Variants in MACF1 observed in about 807,000 individuals in gnomAD.
MACF1 encodes the protein microtubule actin crosslinking factor 1.
Under a neutral mutation model 854.8 loss-of-function variants are expected in MACF1, and 193 were observed. That is an observed-to-expected ratio of 0.23 (90% CI 0.20 to 0.25). The LOEUF (loss-of-function observed/expected upper bound fraction) is 0.25, where lower values mean the gene tolerates loss of function less well. Among genes scored for constraint, MACF1 ranks in the 10% least tolerant of loss-of-function variants. MACF1 has a pLI of 1.00. For synonymous variants in MACF1, 3,185 were observed against 3,226.7 expected, an observed-to-expected ratio of 0.99 and a Z score of 0.44; for missense variants, 7,722 against 8,929.1, an observed-to-expected ratio of 0.86 and a Z score of 5.45.
chr1:39,119,090 G>A (rs924989567), intron 2 of MACF1, among the ~76,000 whole-genome samples: 3 of 152,090 alleles, frequency 2.0e-5, no homozygotes, highest in Admixed American at 6.5e-5. Context: ...AGGCCAAGGC[G>A]GGCAGATCAC....
chr1:39,246,738 G>GACCTCAGGTGATCCACCC (rs1644985898), intron 2 of MACF1, among the ~76,000 whole-genome samples: 1 of 151,962 alleles, frequency 6.6e-6, no homozygotes, highest in African/African-American at 2.4e-5. Flanking sequence ...TCGAACTCCT[G>GACCTCAGGTGATCCACCC]ACCTCAGGTG....
chr1:39,241,917 A>G (rs1049744362), intron 2 of MACF1, among the ~76,000 whole-genome samples: 2 of 152,198 alleles, frequency 1.3e-5, no homozygotes, highest in Non-Finnish European at 1.5e-5. Flanking sequence ...AACTGAGGGT[A>G]TTAGAATTAA....
chr1:39,327,073 A>C (rs1646628626), intron 35 of MACF1, 145 bp from the exon 36 acceptor site: 1 of 723,744 alleles, frequency 1.4e-6, no homozygotes, highest in Non-Finnish European at 2.2e-6. Flanking sequence ...TAAACAGAAG[A>C]ACTGACTGAA....
At chr1:39,433,955 C>G (rs770530042) in intron 68 of MACF1, among the ~76,000 whole-genome samples, 11 of 152,134 alleles carry the variant, frequency 7.2e-5, no homozygotes, top group Non-Finnish European at 1.3e-4. Context: ...CAGTGGGAAC[C>G]TGTAATCCCA....
Position 39,388,109 on chromosome 1 carries a change from TCTC to T in MACF1, c.15269_15271del (p.Leu5090del), listed in dbSNP as rs1329867075. 6.2e-7 allele frequency: 1 copy of T among 1,614,024 alleles called. No individual in the cohort carries two copies. Among genetic ancestry groups the T allele is most frequent in the Non-Finnish European group, 8.5e-7 (1 of 1,179,998 alleles). On this transcript the variant is annotated inframe_deletion, in exon 58 of 101. Coordinates refer to ENST00000564288, the MANE Select transcript of MACF1 (RefSeq NM_001394062.1). ...CAGATGGATCTGATGCTTCTCAACT[TCTC>T]CACCAAGCTGAGGTCGCCCAGCAAG... is the stretch of plus-strand genomic sequence containing the variant.
chr1:39,332,082 C>G lies in MACF1; in HGVS notation c.5494C>G (p.Leu1832Val), dbSNP rs1646737769. 6.2e-7 allele frequency: 1 copy of G among 1,614,096 alleles called. No homozygotes were observed. The highest frequency in any genetic ancestry group is 1.3e-5 in the African/African-American group (1 of 75,024). Residue 1832 changes from leucine (L) to valine (V), a missense_variant, in exon 37 of 101, where the codon CTA becomes GTA. Transcript: ENST00000564288. ...LTIDEAVSND[L>V]VAAKIALVIL... ...AATAGATGAAGCAGTGAGCAATGAT[C>G]TAGTAGCTGCTAAGATCGCCCTTGT...
At chr1:39,196,960 A>G (rs754728928) in intron 2 of MACF1, among the ~76,000 whole-genome samples, 3 of 152,180 alleles carry the variant, frequency 2.0e-5, no homozygotes, top group Non-Finnish European at 4.4e-5. Context: ...GTCTTCTACA[A>G]GGCTTCTTTC....
chr1:39,477,075 A>ATATACACACACACATATATACACTTAGTG (rs1557675014), intron 97 of MACF1, among the ~76,000 whole-genome samples: 26 of 51,304 alleles, frequency 5.1e-4, no homozygotes, highest in African/African-American at 2.6e-3. Flanking sequence ...ATATATATAT[A>ATATACACACACACATATATACACTTAGTG]TATATATATA....
At position 39,381,954 on chromosome 1, in the gene MACF1, T is replaced by G. The variant is rs1016020937; in HGVS notation, c.13650T>G (p.Asn4550Lys). 2.5e-6 allele frequency: 4 copies of G among 1,612,982 alleles called. No individual in the cohort carries two copies. The highest frequency in any genetic ancestry group is 2.7e-5 in the African/African-American group (2 of 74,910). Residue 4550 changes from asparagine to lysine, a missense_variant and splice_region_variant, in exon 56 of 101, where the codon AAT (asparagine) becomes AAG (lysine). Around this residue, in one of 15 missense-constraint regions of MACF1, gnomAD observed 2,807 missense variants for 3,235.8 expected, o/e 0.87. Coordinates refer to ENST00000564288, the MANE Select transcript of MACF1 (RefSeq NM_001394062.1). Reference sequence around the variant, plus strand: ...CATTCCCTCATTTCCTCTCTACAGATTCCCGATGGGAAAGGGCCACTGAGG... The same window carrying G: ...CATTCCCTCATTTCCTCTCTACAGAGTCCCGATGGGAAAGGGCCACTGAGG... ...ENWKKIQEELNSRWERATEVT... is the reference protein window; with the variant it reads ...ENWKKIQEELKSRWERATEVT...
intron 2 of MACF1, among the ~76,000 whole-genome samples, chr1:39,181,893 C>T (rs1255731904): frequency 6.6e-6 from 1 of 152,082 alleles, no homozygotes; most frequent in Non-Finnish European, 1.5e-5. Context: ...TGGCTCACGC[C>T]CATAATCCCA....
rs1212564275 is a variant in MACF1 at position 39,300,310 on chromosome 1, T to C, written c.2582T>C (p.Val861Ala). 6.2e-7 allele frequency: 1 copy of C among 1,614,066 alleles called. No individual in the cohort carries two copies. The highest frequency in any genetic ancestry group is 1.1e-5 in the South Asian group (1 of 91,060). The change falls in exon 22 of 101, where the codon GTG (valine) becomes GCG (alanine). Residue 861 changes from valine to alanine, a missense_variant. Coordinates refer to ENST00000564288, the MANE Select transcript of MACF1 (RefSeq NM_001394062.1). ...VQLKPRSPDH[V>A]LKNTISVKAV... Reference sequence around the variant, plus strand: ...CTAAAACCACGCAGTCCAGACCATGTGTTAAAGAACACCATTTCTGTCAAG... The same window carrying C: ...CTAAAACCACGCAGTCCAGACCATGCGTTAAAGAACACCATTTCTGTCAAG...
intron 6 of MACF1, among the ~76,000 whole-genome samples, chr1:39,270,082 G>A (rs563638458): frequency 6.6e-6 from 1 of 152,362 alleles, no homozygotes; most frequent in East Asian, 1.9e-4. Flanking sequence ...AGACGATGGG[G>A]AAGGGCCTAA....
In MACF1 at chr1:39,289,849, G is replaced by A. The variant is rs376791350; in HGVS notation, c.1786-2061G>A. 7.3e-5 allele frequency among the ~76,000 whole-genome samples: 11 copies of A among 151,448 alleles called. No homozygotes were observed. The East Asian group carries it at 9.7e-4, about 13-fold the overall frequency. ...CCCAAGTAGCTGGGACTACAGGCAC[G>A]CGCCACCATGCCCAGCTAATTTTGT... On this transcript the variant is annotated intron_variant, in intron 15 of 100. Coordinates refer to ENST00000564288, the MANE Select transcript of MACF1 (RefSeq NM_001394062.1).
At chr1:39,403,612 T>TC (rs1642568572) in intron 58 of MACF1, among the ~76,000 whole-genome samples, 1 of 152,238 alleles carries the variant, frequency 6.6e-6, no homozygotes, top group Admixed American at 6.5e-5. Flanking sequence ...TTTGTTTTTT[T>TC]CCCTCTAACC....
At chr1:39,379,160 C>T (rs372615482) in intron 53 of MACF1, 43 bp from the exon 54 acceptor site, 12 of 1,527,062 alleles carry the variant, frequency 7.9e-6, no homozygotes, top group Admixed American at 6.4e-5. Flanking sequence ...GGAGCATACT[C>T]GAAGAGCTGT....
At position 39,460,476 on chromosome 1, in the gene MACF1, G is replaced by C. The variant is rs1489087275; in HGVS notation, c.21361-156G>C. Among the ~76,000 whole-genome samples the C allele has an allele frequency of 6.6e-6, 1 of 152,200 alleles. No homozygotes were observed. Among genetic ancestry groups the C allele is most frequent in the Non-Finnish European group, 1.5e-5 (1 of 68,038 alleles). ...GTCATGGCTTTAAGTGAAAGAGCCA[G>C]ATTGTGCCTTCACAAAAGAAGCAAA... is the stretch of plus-strand genomic sequence containing the variant. On this transcript the variant is annotated intron_variant, in intron 91 of 100. Coordinates refer to ENST00000564288, the MANE Select transcript of MACF1 (RefSeq NM_001394062.1). This position sits in a 1 kb window ranked among gnomAD's most constrained non-coding sequence, Gnocchi z 4.1.
At chr1:39,401,422 C>T (rs562179876) in intron 58 of MACF1, among the ~76,000 whole-genome samples, 2 of 152,306 alleles carry the variant, frequency 1.3e-5, no homozygotes, top group African/African-American at 4.8e-5. Flanking sequence ...GGAAAGACAT[C>T]TCTTAATATT....
intron 2 of MACF1, among the ~76,000 whole-genome samples, chr1:39,161,739 C>G (rs955782742): frequency 6.6e-6 from 1 of 151,586 alleles, no homozygotes; most frequent in South Asian, 2.1e-4. Flanking sequence ...TGGTGGCGGG[C>G]GCCTGTAGTC....
In MACF1 at chr1:39,105,981, C is replaced by CGA. The variant is rs1274403069; in HGVS notation, c.220+21546_220+21547dup. 2.6e-5 allele frequency among the ~76,000 whole-genome samples: 4 copies of CGA among 152,196 alleles called. No individual in the cohort carries two copies. Among genetic ancestry groups the CGA allele is most frequent in the African/African-American group, 4.8e-5 (2 of 41,450 alleles). ...TTATCCGGCCCCAGCTGGAAGAAGGCGAGACAAGGCGCTGGCCTGGAGACC... is the reference window on the plus strand; with the variant it reads ...TTATCCGGCCCCAGCTGGAAGAAGGCGAGAGACAAGGCGCTGGCCTGGAGACC... On this transcript the variant is annotated intron_variant, in intron 2 of 93. Transcript: ENST00000361689. This position sits in a 1 kb window ranked among gnomAD's most constrained non-coding sequence, Gnocchi z 5.9.
Sources: allele counts gnomAD v4.1 joint callset (sites outside exome capture counted in the v4.1 genomes callset), GRCh38; gene constraint gnomAD v4.1.1; regional missense constraint gnomAD v4.1.1; non-coding constraint Gnocchi (gnomAD v3.1); transcripts MANE v1.5; gene names NCBI Gene and HGNC (gene_info 2026-07-23, HGNC 2026-07-21).